GNL3L: variants seen among roughly 807,000 people sequenced by gnomAD.
GNL3L encodes guanine nucleotide-binding protein-like 3-like protein.
In GNL3L, 4 loss-of-function variants were observed where a neutral mutation model predicts 42.9. That is an observed-to-expected ratio of 0.09 (90% CI 0.05 to 0.21). GNL3L has a LOEUF of 0.21. GNL3L is among the 10% of genes least tolerant of loss of function. The pLI is 1.00. For missense variants in GNL3L, 412 were observed against 481.7 expected, an observed-to-expected ratio of 0.86 and a Z score of 1.36; for synonymous variants, 159 against 176.3, an observed-to-expected ratio of 0.90 and a Z score of 0.78.
chrX:54,617,778 G>A (rs1473360785), intron 16 of GNL3L, among the ~76,000 whole-genome samples: 1 of 111,575 alleles, frequency 9.0e-6, no homozygotes, highest in Non-Finnish European at 1.9e-5. Flanking sequence ...CCATCTATGG[G>A]GAATGAGCCC....
intron 13 of GNL3L, among the ~76,000 whole-genome samples, chrX:54,554,208 A>G (rs1461582464): frequency 9.0e-6 from 1 of 110,831 alleles, no homozygotes; most frequent in Non-Finnish European, 1.9e-5. Flanking sequence ...GAGGAGGAGA[A>G]AGTCTGGTCC....
At position 54,544,307 on chromosome X, in the gene GNL3L, AG is replaced by A; in HGVS notation, c.612del (p.Gln204HisfsTer7). 8.7e-7 allele frequency: 1 copy of A among 1,155,389 alleles called. No homozygotes were observed. The highest frequency in any genetic ancestry group is 1.8e-5 in the African/African-American group (1 of 56,736). ...ACCGTGGCTTTCAAGGCCAGTACCC[AG>A]CATCAGGTCAAAAACCTGGTAAGCC... ...LPTVAFKAST[Q>X]HQVKNLNRCS... On this transcript the variant is annotated frameshift_variant, in exon 8 of 16. Transcript: ENST00000360845. LOFTEE classifies it high-confidence loss of function.
In GNL3L at chrX:54,561,172, A is replaced by G. The variant is rs1401998681; in HGVS notation, c.*570A>G. On this transcript the variant is annotated 3_prime_UTR_variant, in exon 16 of 16. Coordinates refer to ENST00000360845, the MANE Select transcript of GNL3L (RefSeq NM_001184819.2). ...GTTTTACAAGAGAAATAAAAGAAGT[A>G]TCAGCAGAGCTCAGGTGCTAACACC... 6.2e-5 allele frequency: 7 copies of G among 112,065 alleles called. No individual in the cohort carries two copies. Among genetic ancestry groups the G allele is most frequent in the African/African-American group, 2.3e-4 (7 of 30,722 alleles). 9.2% of individuals were successfully genotyped at this position (112,065 alleles called of 1,213,427 possible).
intron 16 of GNL3L, among the ~76,000 whole-genome samples, chrX:54,603,828 G>A (rs1281434961): frequency 1.8e-5 from 2 of 111,600 alleles, no homozygotes; most frequent in African/African-American, 6.5e-5. Flanking sequence ...TTTTCCCTCT[G>A]TAAGTTTAAA....
intron 16 of GNL3L, among the ~76,000 whole-genome samples, chrX:54,574,418 A>C (rs988254296): frequency 8.9e-6 from 1 of 112,147 alleles, no homozygotes; most frequent in African/African-American, 3.2e-5. Context: ...AATTCTACCA[A>C]TATAGCGTAT....
chrX:54,609,339 G>A (rs1305243303), intron 16 of GNL3L, among the ~76,000 whole-genome samples: 3 of 112,542 alleles, frequency 2.7e-5, no homozygotes, highest in African/African-American at 9.7e-5. Flanking sequence ...GCCTTGCAAA[G>A]CTCTTTAGTT....
At chrX:54,622,670 T>G (rs1239668675), downstream of GNL3L, among the ~76,000 whole-genome samples, 1 of 111,419 alleles carries the variant, frequency 9.0e-6, no homozygotes, top group Non-Finnish European at 1.9e-5. Flanking sequence ...TCTGTGAGGT[T>G]GTCTTTTCAC....
intron 16 of GNL3L, among the ~76,000 whole-genome samples, chrX:54,603,510 A>G (rs1468263823): frequency 9.0e-6 from 1 of 111,725 alleles, no homozygotes; most frequent in Non-Finnish European, 1.9e-5. Flanking sequence ...AAAAGAATAA[A>G]TTTACAGGGG....
chrX:54,571,332 T>A (rs1260355862), downstream of GNL3L, among the ~76,000 whole-genome samples: 2 of 108,043 alleles, frequency 1.9e-5, no homozygotes, highest in Non-Finnish European at 3.8e-5. Context: ...TAGTTGGGAC[T>A]ACAGGCACCG....
At chrX:54,546,487 T>A (rs1924775709) in intron 8 of GNL3L, among the ~76,000 whole-genome samples, 1 of 111,615 alleles carries the variant, frequency 9.0e-6, no homozygotes, top group African/African-American at 3.3e-5. Context: ...TGAATCACCC[T>A]CCGTGATGGC....
rs147618956 is a variant in GNL3L, at chrX:54,543,023, C to T, written c.375C>T (p.Tyr125=). Reference sequence around the variant, plus strand: ...ACGAGGCCACGAGGAAGGCTTATTACAAGGAGTTCCGTAAGGTACAGGGTT... The same window carrying T: ...ACGAGGCCACGAGGAAGGCTTATTATAAGGAGTTCCGTAAGGTACAGGGTT... ...LDDEATRKAY[Y]KEFRKVVEYS... The change falls in exon 6 of 16, where the codon TAC becomes TAT. Residue 125 remains tyrosine (Y), a synonymous_variant. Coordinates refer to ENST00000360845, the MANE Select transcript of GNL3L (RefSeq NM_001184819.2). 1 of 1,176,037 alleles carries T rather than the reference C, an allele frequency of 8.5e-7. No individual in the cohort carries two copies. The highest frequency in any genetic ancestry group is 1.8e-5 in the African/African-American group (1 of 57,039).
chrX:54,579,526 G>A (rs1925678099), intron 16 of GNL3L, among the ~76,000 whole-genome samples: 2 of 111,483 alleles, frequency 1.8e-5, no homozygotes, highest in African/African-American at 6.5e-5. Context: ...TGGGACCACA[G>A]GCATGCACAA....
downstream of GNL3L, among the ~76,000 whole-genome samples, chrX:54,568,003 CTG>C (rs1431220649): frequency 9.9e-6 from 1 of 101,165 alleles, no homozygotes; most frequent in Non-Finnish European, 2.0e-5. Flanking sequence ...GAGTCTCACT[CTG>C]TCACCCAGGC....
intron 16 of GNL3L, among the ~76,000 whole-genome samples, chrX:54,579,989 T>G (rs1925687101): frequency 3.2e-5 from 3 of 93,053 alleles, no homozygotes; most frequent in Non-Finnish European, 6.5e-5. Context: ...AAAGTTTGTT[T>G]TTTTTTTTTT....
intron 16 of GNL3L, among the ~76,000 whole-genome samples, chrX:54,610,708 A>G (rs1360577274): frequency 1.8e-5 from 2 of 111,857 alleles, no homozygotes; most frequent in Admixed American, 9.5e-5. Context: ...CCACTTGATC[A>G]TGCTGGATTA....
At chrX:54,547,713 AAAGT>A (rs1457706789) in intron 8 of GNL3L, among the ~76,000 whole-genome samples, 2 of 111,246 alleles carry the variant, frequency 1.8e-5, no homozygotes, top group East Asian at 5.7e-4. Context: ...TCAAAGAAAA[AAAGT>A]AAGGGAAGAG....
chrX:54,549,738 G>A (rs1924879206), intron 9 of GNL3L, among the ~76,000 whole-genome samples: 1 of 112,349 alleles, frequency 8.9e-6, no homozygotes, highest in Non-Finnish European at 1.9e-5. Context: ...AGACACGCAT[G>A]TGCCCACATA....
chrX:54,632,173 C>T, the GNL3L span, among the ~76,000 whole-genome samples: 2 of 111,450 alleles, frequency 1.8e-5, no homozygotes, highest in African/African-American at 6.5e-5. Flanking sequence ...TTTTTGGTTA[C>T]CTGATGCTTT....
At chrX:54,552,003 G>A in intron 12 of GNL3L, 29 bp downstream of exon 12, 1 of 1,194,425 alleles carries the variant, frequency 8.4e-7, no homozygotes, top group Non-Finnish European at 1.1e-6. Flanking sequence ...GTAAGGGTGA[G>A]GCCCGCTGGC....
Sources: gnomAD v4.1 joint callset for allele counts (sites outside exome capture counted in the v4.1 genomes callset) on GRCh38, gnomAD v4.1.1 for gene constraint, MANE v1.5 for transcripts, NCBI Gene and HGNC (gene_info 2026-07-23, HGNC 2026-07-21) for gene names.